Variants in FBXO6 observed in about 807,000 individuals in gnomAD.
FBXO6 encodes F-box protein 6.
In FBXO6, 13 loss-of-function variants were observed where a neutral mutation model predicts 25.0. That is an observed-to-expected ratio of 0.52 (90% confidence interval 0.34 to 0.83). The LOEUF is 0.83. Among genes scored for constraint, FBXO6 ranks in the 40% least tolerant of loss-of-function variants. The pLI, the probability that FBXO6 is intolerant of heterozygous loss-of-function variation, is 0.02. For missense variants in FBXO6, 370 were observed against 380.2 expected (o/e 0.97, Z 0.22); for synonymous variants, 138 against 155.3 (o/e 0.89, Z 0.83).
intron 2 of FBXO6, 122 bp from the exon 3 acceptor site, chr1:11,671,144 C>A: frequency 8.0e-7 from 1 of 1,255,548 alleles, no homozygotes. Flanking sequence ...ATGAGCAAGT[C>A]CTGCCTCCCA....
At position 11,668,952 on chromosome 1, in the gene FBXO6, G is replaced by A. The variant is rs1422024524; in HGVS notation, c.286+8G>A. The A allele has an allele frequency of 6.2e-7, 1 of 1,612,370 alleles. No homozygotes were observed. The highest frequency in any genetic ancestry group is 8.5e-7 in the Non-Finnish European group (1 of 1,178,762). On this transcript the variant is annotated splice_region_variant and intron_variant, in intron 2 of 5. Transcript: ENST00000376753. ...GCAACCCGTGTGCTGAAGGTGGCAT[G>A]GGGGCAGGGTGGAGGCTGCCACCAG...
intron 2 of FBXO6, among the ~76,000 whole-genome samples, chr1:11,669,815 TTA>T (rs756776552): frequency 6.7e-6 from 1 of 149,976 alleles, no homozygotes; most frequent in Non-Finnish European, 1.5e-5. Context: ...TTTTGTACTT[TTA>T]GTAGAGATGA....
At position 11,674,075 on chromosome 1, in the gene FBXO6, C is replaced by A; in HGVS notation, c.*224C>A. The A allele has an allele frequency of 4.0e-6, 2 of 505,288 alleles. No individual in the cohort carries two copies. Among genetic ancestry groups the A allele is most frequent in the South Asian group, 2.0e-5 (1 of 48,886 alleles). 31.3% of individuals were successfully genotyped at this position (505,288 alleles called of 1,614,324 possible). On this transcript the variant is annotated 3_prime_UTR_variant, in exon 6 of 6. Transcript: ENST00000376753. This position sits in a 1 kb window ranked among gnomAD's most constrained non-coding sequence, Gnocchi z 6.1. ...ATCCCAGCACTTTGGGAGACCGAGG[C>A]AGGTGGATCACGAGGTCAGGAGATA...
chr1:11,671,949 G>A lies in FBXO6; in HGVS notation c.435G>A (p.Leu145=), dbSNP rs1640629327. The change falls in exon 4 of 6, where the codon CTG becomes CTA. Residue 145 remains leucine, a synonymous_variant. Coordinates refer to ENST00000376753, the MANE Select transcript of FBXO6 (RefSeq NM_018438.6). ...TSYEMCLKSQ[L]VDLVAEGYWE... ...CCAGAATGTGCCTCAAGTCCCAGCT[G>A]GTGGACCTTGTAGCCGAGGGCTACT... The A allele has an allele frequency of 6.2e-7, 1 of 1,614,074 alleles. No individual in the cohort carries two copies. Among genetic ancestry groups the A allele is most frequent in the African/African-American group, 1.3e-5 (1 of 74,936 alleles).
intron 1 of FBXO6, among the ~76,000 whole-genome samples, chr1:11,665,191 C>G (rs535097104): frequency 1.7e-3 from 247 of 144,748 alleles, no homozygotes; most frequent in African/African-American, 6.0e-3. Context: ...ACTACAGGCA[C>G]GGGCCACCAG....
chr1:11,668,598 C>G, intron 1 of FBXO6, 58 bp from the exon 2 acceptor site: 1 of 1,579,444 alleles, frequency 6.3e-7, no homozygotes, highest in Non-Finnish European at 8.6e-7. Context: ...GCCTGGTTCC[C>G]TGGGGACCTG....
intron 1 of FBXO6, among the ~76,000 whole-genome samples, chr1:11,665,750 G>C (rs1378425084): frequency 6.6e-6 from 1 of 151,164 alleles, no homozygotes; most frequent in African/African-American, 2.4e-5. Flanking sequence ...TAGTAGAGAC[G>C]GGGTTTCGCC....
rs1476263532 is a variant in FBXO6, at chr1:11,673,145, G to A, written c.510-132G>A. On this transcript the variant is annotated intron_variant, in intron 4 of 5. Transcript: ENST00000376753. This position sits in a 1 kb window ranked among gnomAD's most constrained non-coding sequence, Gnocchi z 4.3. Reference sequence around the variant, plus strand: ...GCATAGGGAGCGCTGAAGCCAGCTGGGCCTTGCAGGCAGAGCAGTGTCAGC... The same window carrying A: ...GCATAGGGAGCGCTGAAGCCAGCTGAGCCTTGCAGGCAGAGCAGTGTCAGC... The A allele has an allele frequency of 2.5e-5, 29 of 1,143,180 alleles. No homozygotes were observed. 70.8% of individuals were successfully genotyped at this position (1,143,180 alleles called of 1,614,324 possible). A position where few individuals can be genotyped will look rare whatever the true frequency, so the allele number is the denominator to read the frequency against.
At chr1:11,665,215 C>CTTTTTTTTTTT (rs541103021) in intron 1 of FBXO6, among the ~76,000 whole-genome samples, 1 of 61,588 alleles carries the variant, frequency 1.6e-5, no homozygotes, top group African/African-American at 7.1e-5. Context: ...TAGCTAATTT[C>CTTTTTTTTTTT]TTTTTTTTTT....
rs1332628516 is a variant in FBXO6 at position 11,673,229 on chromosome 1, G to A, written c.510-48G>A. The A allele has an allele frequency of 3.8e-6, 6 of 1,572,684 alleles. No individual in the cohort carries two copies. The highest frequency in any genetic ancestry group is 1.2e-5 in the South Asian group (1 of 84,062). On this transcript the variant is annotated intron_variant, in intron 4 of 5. Transcript: ENST00000376753. The surrounding 1 kb of genome is among the most constrained non-coding windows in gnomAD (Gnocchi z 4.3). Reference sequence around the variant, plus strand: ...AGGTCCCACCTGCCCCCACCCCTGGGGCCAGCCCTCGGTGGCTTGGACACA... The same window carrying A: ...AGGTCCCACCTGCCCCCACCCCTGGAGCCAGCCCTCGGTGGCTTGGACACA...
chr1:11,672,825 C>T (rs1004516011), intron 4 of FBXO6, among the ~76,000 whole-genome samples: 6 of 152,172 alleles, frequency 3.9e-5, no homozygotes, highest in East Asian at 3.9e-4. Context: ...GAGGATAAAG[C>T]GGTGAGGATG....
At chr1:11,664,959 A>G (rs1037326219) in intron 1 of FBXO6, among the ~76,000 whole-genome samples, 1 of 152,140 alleles carries the variant, frequency 6.6e-6, no homozygotes, top group African/African-American at 2.4e-5. Context: ...GTGGGAAGCT[A>G]TTGGTGCCTA....
Position 11,673,239 on chromosome 1 carries a change from C to T in FBXO6, c.510-38C>T, listed in dbSNP as rs765094368. The T allele has an allele frequency of 5.7e-6, 9 of 1,587,320 alleles. No individual in the cohort carries two copies. The highest frequency in any genetic ancestry group is 1.7e-5 in the Admixed American group (1 of 57,922). ...TGCCCCCACCCCTGGGGCCAGCCCT[C>T]GGTGGCTTGGACACAGGGCTCTCAA... On this transcript the variant is annotated intron_variant, in intron 4 of 5. Transcript: ENST00000376753. The surrounding 1 kb of genome is among the most constrained non-coding windows in gnomAD (Gnocchi z 4.3).
chr1:11,671,872 G>GT, intron 3 of FBXO6, 56 bp from the exon 4 acceptor site: 1 of 1,377,016 alleles, frequency 7.3e-7, no homozygotes, highest in Non-Finnish European at 9.8e-7. Flanking sequence ...CCTGGGTGAG[G>GT]GGGGGGGCCA....
In FBXO6 at chr1:11,668,792, G is replaced by A. The variant is rs571189937; in HGVS notation, c.134G>A (p.Arg45Gln). ...LNCRLVCSLW[R>Q]DLIDLMTLWK... is the part of the protein sequence containing the mutation. ...TGCCGCCTGGTCTGCAGCCTCTGGC[G>A]GGACCTCATCGACCTCATGACCCTC... is the stretch of plus-strand genomic sequence containing the variant. Residue 45 changes from arginine to glutamine, a missense_variant, in exon 2 of 6, where the codon CGG (arginine) becomes CAG (glutamine). Arg to Gln is a conservative substitution (Grantham distance 43). Coordinates refer to ENST00000376753, the MANE Select transcript of FBXO6 (RefSeq NM_018438.6). 1.9e-5 allele frequency: 31 copies of A among 1,614,094 alleles called. No individual in the cohort carries two copies. Among genetic ancestry groups the A allele is most frequent in the African/African-American group, 9.3e-5 (7 of 75,030 alleles).
chr1:11,668,582 T>C, intron 1 of FBXO6, 74 bp from the exon 2 acceptor site: 1 of 1,553,478 alleles, frequency 6.4e-7, no homozygotes, highest in Admixed American at 1.8e-5. Context: ...TGGAGAGGAG[T>C]CCCTGGCCTG....
rs778222249 is a variant in FBXO6, at chr1:11,671,334, GC to G, written c.358del (p.His120ThrfsTer30). 5 of 1,614,160 alleles carry G rather than the reference GC, an allele frequency of 3.1e-6. No homozygotes were observed. Among genetic ancestry groups the G allele is most frequent in the South Asian group, 1.1e-5 (1 of 91,084 alleles). On this transcript the variant is annotated frameshift_variant, in exon 3 of 6. Transcript: ENST00000376753. LOFTEE classifies it high-confidence loss of function. ...CTGGAAGGTGGAGAGCCTCCCTGGAGCCCACGGGACAGATTTTCCTGACCCC... is the reference window on the plus strand; with the variant it reads ...CTGGAAGGTGGAGAGCCTCCCTGGAGCCACGGGACAGATTTTCCTGACCCC... The part of the protein sequence containing the change: ...DRWKVESLPG[A>X]HGTDFPDPKV...
rs1400081196 is a variant in FBXO6, at chr1:11,672,667, A to C, written c.510-610A>C. ...TGGGTGGGAACCCCCAGGTCCCCTGACCTACCTGCCTCCCCTGCCCCTTTC... is the reference window on the plus strand; with the variant it reads ...TGGGTGGGAACCCCCAGGTCCCCTGCCCTACCTGCCTCCCCTGCCCCTTTC... On this transcript the variant is annotated intron_variant, in intron 4 of 5. Coordinates refer to ENST00000376753, the MANE Select transcript of FBXO6 (RefSeq NM_018438.6). 2.0e-5 allele frequency among the ~76,000 whole-genome samples: 3 copies of C among 152,192 alleles called. No individual in the cohort carries two copies. In the East Asian group the frequency reaches 5.8e-4, roughly 29 times the overall value.
intron 1 of FBXO6, among the ~76,000 whole-genome samples, chr1:11,668,181 C>A (rs1640496837): frequency 6.6e-6 from 1 of 151,786 alleles, no homozygotes. Context: ...ACTTTGCAGA[C>A]AAGTGTGGCC....
Sources: allele counts gnomAD v4.1 joint callset (sites outside exome capture counted in the v4.1 genomes callset), GRCh38; gene constraint gnomAD v4.1.1; non-coding constraint Gnocchi (gnomAD v3.1); transcripts MANE v1.5; gene names NCBI Gene and HGNC (gene_info 2026-07-23, HGNC 2026-07-21).